The following DOK6 variants were observed in gnomAD, a reference collection of about 807,000 sequenced individuals.
The protein encoded by DOK6 is docking protein 6.
In DOK6, 22 loss-of-function variants were observed where a neutral mutation model predicts 44.0. That is an observed-to-expected ratio of 0.50 (90% CI 0.36 to 0.71). The LOEUF is 0.71. DOK6 is among the 30% of genes least tolerant of loss of function. The probability of loss-of-function intolerance (pLI) is 0.00; values close to 1 mark genes in which losing one functional copy is unlikely to be tolerated. For synonymous variants in DOK6, 166 were observed against 145.5 expected (o/e 1.14, Z -1.01); for missense variants, 340 against 416.4 (o/e 0.82, Z 1.60).
intron 3 of DOK6, among the ~76,000 whole-genome samples, chr18:69,668,696 T>TA (rs1408218100): frequency 3.3e-5 from 5 of 152,182 alleles, no homozygotes; most frequent in African/African-American, 1.2e-4. Flanking sequence ...GGATGATGTA[T>TA]AAGAGTCCTA....
At chr18:69,544,451 T>G (rs1026895036) in intron 1 of DOK6, among the ~76,000 whole-genome samples, 2 of 151,464 alleles carry the variant, frequency 1.3e-5, no homozygotes, top group Non-Finnish European at 3.0e-5. Flanking sequence ...AAGAAAATAA[T>G]GGGAAAGCAG....
At chr18:69,555,278 C>T (rs1159060635) in intron 1 of DOK6, among the ~76,000 whole-genome samples, 1 of 152,138 alleles carries the variant, frequency 6.6e-6, no homozygotes, top group Non-Finnish European at 1.5e-5. Context: ...ATTCCTAAGA[C>T]TGAAAATGTT....
intron 3 of DOK6, among the ~76,000 whole-genome samples, chr18:69,624,208 T>C (rs1310636082): frequency 6.6e-6 from 1 of 152,148 alleles, no homozygotes; most frequent in East Asian, 1.9e-4. Flanking sequence ...AAGAGATTAG[T>C]TTTAAAACAT....
chr18:69,831,144 G>A (rs1400514463), intron 7 of DOK6: 2 of 152,206 alleles, frequency 1.3e-5, no homozygotes, highest in African/African-American at 2.4e-5. Context: ...AAGTCTGAAG[G>A]CCTGAGAACC....
At chr18:69,768,948 G>GATGTGCGTGTGTGTGT (rs1555669794) in intron 7 of DOK6, among the ~76,000 whole-genome samples, 1 of 37,656 alleles carries the variant, frequency 2.7e-5, no homozygotes, top group African/African-American at 4.6e-5. Context: ...AGATTTGAAG[G>GATGTGCGTGTGTGTGT]GTGTGCGTGT....
At chr18:69,436,328 C>G (rs980739750) in intron 1 of DOK6, among the ~76,000 whole-genome samples, 3 of 152,034 alleles carry the variant, frequency 2.0e-5, no homozygotes, top group Non-Finnish European at 2.9e-5. Flanking sequence ...TGCCCCCTAC[C>G]CGCTGACAGG....
chr18:69,673,420 C>T (rs1278726855), intron 3 of DOK6, among the ~76,000 whole-genome samples: 2 of 152,146 alleles, frequency 1.3e-5, no homozygotes, highest in African/African-American at 4.8e-5. Context: ...TGATCCCCTT[C>T]AAATCAGAAT....
chr18:69,442,756 T>A (rs1979172597), intron 1 of DOK6, among the ~76,000 whole-genome samples: 1 of 152,218 alleles, frequency 6.6e-6, no homozygotes, highest in Non-Finnish European at 1.5e-5. Context: ...TTATATATGT[T>A]GCTTATTGTC....
chr18:69,587,335 A>G (rs919806038), intron 2 of DOK6, among the ~76,000 whole-genome samples: 2 of 152,122 alleles, frequency 1.3e-5, no homozygotes, highest in African/African-American at 4.8e-5. Context: ...GGTTAGCGCA[A>G]CATAACTTCT....
At chr18:69,829,555 T>C (rs1599348840) in intron 7 of DOK6, among the ~76,000 whole-genome samples, 1 of 152,014 alleles carries the variant, frequency 6.6e-6, no homozygotes, top group African/African-American at 2.4e-5. Context: ...TATTAACCAT[T>C]ACACAATATA....
chr18:69,592,682 T>A (rs1160764735), intron 2 of DOK6, among the ~76,000 whole-genome samples: 1 of 152,172 alleles, frequency 6.6e-6, no homozygotes, highest in Non-Finnish European at 1.5e-5. Flanking sequence ...AACTTCATAT[T>A]TACTTAAAAT....
chr18:69,584,302 T>C (rs1170028850), intron 2 of DOK6, among the ~76,000 whole-genome samples: 1 of 152,084 alleles, frequency 6.6e-6, no homozygotes, highest in Non-Finnish European at 1.5e-5. Flanking sequence ...TGTTTTTTCG[T>C]ATGAGATAGA....
At chr18:69,590,190 A>G (rs1983592418) in intron 2 of DOK6, among the ~76,000 whole-genome samples, 1 of 152,172 alleles carries the variant, frequency 6.6e-6, no homozygotes, top group South Asian at 2.1e-4. Flanking sequence ...TAGATATGCA[A>G]AGAACTAAGT....
At chr18:69,634,237 G>A in intron 3 of DOK6, among the ~76,000 whole-genome samples, 1 of 152,072 alleles carries the variant, frequency 6.6e-6, no homozygotes, top group East Asian at 1.9e-4. Context: ...TCTCAGTGTG[G>A]AAATAATAAT....
intron 1 of DOK6, among the ~76,000 whole-genome samples, chr18:69,405,664 C>T (rs1916193202): frequency 6.6e-6 from 1 of 151,864 alleles, no homozygotes. Flanking sequence ...TATATTTTGT[C>T]CTTTAGACCA....
chr18:69,773,485 C>A (rs1362928721), intron 7 of DOK6, among the ~76,000 whole-genome samples: 1 of 151,948 alleles, frequency 6.6e-6, no homozygotes, highest in African/African-American at 2.4e-5. Context: ...TATAAACATA[C>A]AATTGAATAT....
At chr18:69,642,661 C>T (rs1022775797) in intron 3 of DOK6, among the ~76,000 whole-genome samples, 1 of 151,856 alleles carries the variant, frequency 6.6e-6, no homozygotes. Flanking sequence ...CTTATAATAC[C>T]CTCCAACCTG....
At chr18:69,599,280 C>T (rs751316614) in intron 2 of DOK6, 104 bp from the exon 3 acceptor site, 12 of 808,472 alleles carry the variant, frequency 1.5e-5, no homozygotes, top group Admixed American at 9.1e-5. Flanking sequence ...ACAAATATCC[C>T]GTGGAAATTC....
chr18:69,761,511 G>A (rs1979553130), intron 7 of DOK6, among the ~76,000 whole-genome samples: 1 of 152,164 alleles, frequency 6.6e-6, no homozygotes, highest in African/African-American at 2.4e-5. Flanking sequence ...ATCTTTGGAT[G>A]AAGGTCTGTC....
Sources: allele counts gnomAD v4.1 joint callset (sites outside exome capture counted in the v4.1 genomes callset), GRCh38; gene constraint gnomAD v4.1.1; transcripts MANE v1.5; gene names NCBI Gene and HGNC (gene_info 2026-07-23, HGNC 2026-07-21).